HEMK2: variants seen among roughly 807,000 people sequenced by gnomAD.
HEMK2 encodes the protein methyltransferase HEMK2.
At chr21:28,624,690 A>G in the HEMK2 span, among the ~76,000 whole-genome samples, 4,256 of 152,318 alleles carry the variant, frequency 0.028, 74 homozygotes, top group Non-Finnish European at 0.041. Flanking sequence ...AAGAATATCA[A>G]GTTCCTGGCT....
At chr21:28,734,500 T>C in the HEMK2 span, among the ~76,000 whole-genome samples, 7 of 152,166 alleles carry the variant, frequency 4.6e-5, no homozygotes, top group Non-Finnish European at 7.4e-5. Context: ...CTCCTGATCA[T>C]AGAAAGAAGT....
At chr21:28,851,215 C>T in the HEMK2 span, among the ~76,000 whole-genome samples, 9 of 152,154 alleles carry the variant, frequency 5.9e-5, no homozygotes, top group African/African-American at 1.7e-4. Context: ...CTAGAGGCTG[C>T]CACTGTGTTT....
chr21:28,652,040 T>C, the HEMK2 span, among the ~76,000 whole-genome samples: 1 of 152,256 alleles, frequency 6.6e-6, no homozygotes, highest in Non-Finnish European at 1.5e-5. Flanking sequence ...CTGAAGTTGC[T>C]TCATTACATT....
the HEMK2 span, among the ~76,000 whole-genome samples, chr21:28,784,668 T>C: frequency 0.1 from 15,446 of 151,956 alleles, 1,234 homozygotes; most frequent in East Asian, 0.22. Flanking sequence ...GTCTAGCTAA[T>C]CTAGTGGGGA....
chr21:28,664,996 G>A, the HEMK2 span, among the ~76,000 whole-genome samples: 1 of 152,106 alleles, frequency 6.6e-6, no homozygotes, highest in East Asian at 1.9e-4. Context: ...GAGGCTTATA[G>A]GCCAGGCACA....
chr21:28,614,228 C>A, the HEMK2 span, among the ~76,000 whole-genome samples: 1 of 152,044 alleles, frequency 6.6e-6, no homozygotes, highest in Non-Finnish European at 1.5e-5. Flanking sequence ...ATTAGAACTA[C>A]CTAAGATGTC....
chr21:28,639,301 T>G, the HEMK2 span, among the ~76,000 whole-genome samples: 18 of 152,316 alleles, frequency 1.2e-4, 1 homozygote, highest in Admixed American at 1.1e-3. Flanking sequence ...CTTAACAACA[T>G]ACCAATGGCC....
chr21:28,755,615 T>C, the HEMK2 span, among the ~76,000 whole-genome samples: 1 of 152,184 alleles, frequency 6.6e-6, no homozygotes, highest in Non-Finnish European at 1.5e-5. Flanking sequence ...TAAAGAATAA[T>C]TGTCTAGCAA....
the HEMK2 span, among the ~76,000 whole-genome samples, chr21:28,683,743 A>G: frequency 6.6e-6 from 1 of 152,214 alleles, no homozygotes; most frequent in African/African-American, 2.4e-5. Context: ...AGCATATTGT[A>G]AAAAATAATG....
chr21:28,831,476 AAAGAAAG>A, the HEMK2 span, among the ~76,000 whole-genome samples: 14 of 41,440 alleles, frequency 3.4e-4, no homozygotes, highest in East Asian at 3.5e-3. Context: ...AGAAAGAAAG[AAAGAAAG>A]AAAGAAAGAA....
the HEMK2 span, among the ~76,000 whole-genome samples, chr21:28,718,119 G>A: frequency 1.7e-3 from 266 of 152,210 alleles, 2 homozygotes; most frequent in African/African-American, 5.9e-3. Flanking sequence ...TTGGTATGTT[G>A]TGTCTGTTTT....
chr21:28,647,854 A>G, the HEMK2 span, among the ~76,000 whole-genome samples: 1 of 152,232 alleles, frequency 6.6e-6, no homozygotes, highest in African/African-American at 2.4e-5. Context: ...ATGCACAGGC[A>G]TTAGGGCAAG....
the HEMK2 span, among the ~76,000 whole-genome samples, chr21:28,683,239 C>A: frequency 6.6e-6 from 1 of 152,016 alleles, no homozygotes; most frequent in African/African-American, 2.4e-5. Flanking sequence ...CACATTTTGG[C>A]AAGCATAAAC....
chr21:28,620,431 G>T, the HEMK2 span, among the ~76,000 whole-genome samples: 3 of 151,912 alleles, frequency 2.0e-5, no homozygotes, highest in Admixed American at 1.3e-4. Flanking sequence ...ATTAATTACT[G>T]CCTCAATTTT....
chr21:28,702,124 C>T, the HEMK2 span, among the ~76,000 whole-genome samples: 8 of 152,032 alleles, frequency 5.3e-5, no homozygotes, highest in African/African-American at 1.9e-4. Context: ...AACTAGCTAG[C>T]CATATGCAGA....
At chr21:28,883,129 ACT>A in the HEMK2 span, 10 of 1,199,608 alleles carry the variant, frequency 8.3e-6, no homozygotes, top group Non-Finnish European at 1.1e-5. Context: ...TTCACAGAAA[ACT>A]CTCATGCTAG....
chr21:28,629,903 T>C, the HEMK2 span, among the ~76,000 whole-genome samples: 1 of 148,334 alleles, frequency 6.7e-6, no homozygotes, highest in South Asian at 2.1e-4. Context: ...CTTAGTCTTC[T>C]CAAAACCCCC....
chr21:28,859,877 A>G, the HEMK2 span, among the ~76,000 whole-genome samples: 9 of 152,126 alleles, frequency 5.9e-5, no homozygotes, highest in Admixed American at 5.9e-4. Context: ...CTTTTCCCCA[A>G]TATTTGTCTT....
chr21:28,634,070 G>A, the HEMK2 span, among the ~76,000 whole-genome samples: 6 of 152,150 alleles, frequency 3.9e-5, no homozygotes, highest in African/African-American at 7.2e-5. Context: ...TGCCCGTGGC[G>A]TCACTGCCAT....
Sources: gnomAD v4.1 joint callset for allele counts (sites outside exome capture counted in the v4.1 genomes callset) on GRCh38, gnomAD v4.1.1 for gene constraint, MANE v1.5 for transcripts, NCBI Gene and HGNC (gene_info 2026-07-23, HGNC 2026-07-21) for gene names.